FAM20A: variants seen among roughly 807,000 people sequenced by gnomAD.
FAM20A encodes the protein FAM20A golgi associated secretory pathway pseudokinase, also known as pseudokinase FAM20A.
In FAM20A, 42 loss-of-function variants were observed where a neutral mutation model predicts 52.0. The ratio of observed to expected loss-of-function variants is 0.81; its 90% CI spans 0.63 to 1.04. The LOEUF (loss-of-function observed/expected upper bound fraction) is 1.04, where lower values mean the gene tolerates loss of function less well. FAM20A is among the 50% of genes least tolerant of loss of function. The pLI is 0.00. For synonymous variants in FAM20A, 304 were observed against 298.9 expected (o/e 1.02, Z -0.18); for missense variants, 742 against 712.7 (o/e 1.04, Z -0.47).
At chr17:68,584,669 A>G (rs1354741825) in intron 1 of FAM20A, among the ~76,000 whole-genome samples, 1 of 152,226 alleles carries the variant, frequency 6.6e-6, no homozygotes, top group East Asian at 1.9e-4. Flanking sequence ...TGGGCATAGC[A>G]TCTCCTGCCA....
rs772865602 is a variant in FAM20A, at chr17:68,542,013, G to A, written c.1081C>T (p.Arg361Cys). 38 of 1,613,936 alleles carry A rather than the reference G, an allele frequency of 2.4e-5. No homozygotes were observed. Among genetic ancestry groups the A allele is most frequent in the South Asian group, 4.4e-5 (4 of 91,076 alleles). The change falls in exon 7 of 11, where the codon CGC becomes TGC. Residue 361 changes from arginine (R) to cysteine (C), a missense_variant. Coordinates refer to ENST00000592554, the MANE Select transcript of FAM20A (RefSeq NM_017565.4). ...TCTTTTCCTGCCAGTGTGTAGGAGC[G>A]GATCCAGGGGTTGGGCACAGACAGC... ...PRLSVPNPWI[R>C]SYTLAGKEEW...
chr17:68,563,451 T>C (rs926327902), intron 1 of FAM20A, among the ~76,000 whole-genome samples: 1 of 150,696 alleles, frequency 6.6e-6, no homozygotes, highest in Non-Finnish European at 1.5e-5. Context: ...TTGCACTGGC[T>C]CTGGGAGATG....
chr17:68,550,321 A>C (rs2086773665), intron 4 of FAM20A, among the ~76,000 whole-genome samples: 2 of 147,580 alleles, frequency 1.4e-5, no homozygotes, highest in South Asian at 4.4e-4. Context: ...TTTTAAGTTG[A>C]TCTAACAACT....
Position 68,575,506 on chromosome 17 carries a change from TTATATATTTTATATATTATATAA to T in FAM20A, c.405-19786_405-19764del, listed in dbSNP as rs1405188488. On this transcript the variant is annotated intron_variant, in intron 1 of 10. Coordinates refer to ENST00000592554, the MANE Select transcript of FAM20A (RefSeq NM_017565.4). ...TATTATATATTATAGATATTAGATA[TTATATATTTTATATATTATATAA>T]TATATATTTTATATATTATATAATA... is the stretch of plus-strand genomic sequence containing the variant. 4.2e-4 allele frequency among the ~76,000 whole-genome samples: 46 copies of T among 109,508 alleles called. 1 individual carries two copies. Among genetic ancestry groups the T allele is most frequent in the Admixed American group, 7.4e-4 (6 of 8,160 alleles). 71.8% of individuals were successfully genotyped at this position (109,508 alleles called of 152,430 possible).
intron 4 of FAM20A, among the ~76,000 whole-genome samples, chr17:68,549,669 A>T (rs546404153): frequency 6.6e-6 from 1 of 152,166 alleles, no homozygotes; most frequent in Non-Finnish European, 1.5e-5. Flanking sequence ...CCTCTCTCTA[A>T]CTGGGGCTGT....
chr17:68,581,205 A>G (rs1366049421), intron 1 of FAM20A, among the ~76,000 whole-genome samples: 1 of 152,170 alleles, frequency 6.6e-6, no homozygotes, highest in Non-Finnish European at 1.5e-5. Context: ...AAAGGGGTGT[A>G]CTGTGACAGC....
chr17:68,540,165 C>G (rs1228685370), intron 8 of FAM20A, among the ~76,000 whole-genome samples, 199 bp from the exon 9 acceptor site: 2 of 152,202 alleles, frequency 1.3e-5, no homozygotes, highest in Non-Finnish European at 2.9e-5. Flanking sequence ...AACAAGCAAA[C>G]CCTAAATGGA....
intron 1 of FAM20A, among the ~76,000 whole-genome samples, chr17:68,583,400 T>G (rs1350382872): frequency 2.0e-5 from 3 of 152,148 alleles, no homozygotes; most frequent in African/African-American, 7.2e-5. Flanking sequence ...GTTTCTGTCT[T>G]CTGGTGGCTA....
chr17:68,569,737 T>C (rs1299646293), intron 1 of FAM20A, among the ~76,000 whole-genome samples: 1 of 152,194 alleles, frequency 6.6e-6, no homozygotes. Flanking sequence ...TGTTCTTCTA[T>C]CCCAGCTACA....
At chr17:68,556,377 A>G (rs1568745171) in intron 1 of FAM20A, among the ~76,000 whole-genome samples, 1 of 152,250 alleles carries the variant, frequency 6.6e-6, no homozygotes, top group Non-Finnish European at 1.5e-5. Flanking sequence ...GTAGACTGTA[A>G]TTTAGGAGAC....
Position 68,600,341 on chromosome 17 carries a change from A to G in FAM20A, c.326T>C (p.Leu109Pro). 6.3e-7 allele frequency: 1 copy of G among 1,598,652 alleles called. No individual in the cohort carries two copies. The highest frequency in any genetic ancestry group is 8.5e-7 in the Non-Finnish European group (1 of 1,173,420). ...PLYNVPEEPP[L>P]LGAEDSLLAS... ...CAGGAGCGAGTCCTCGGCTCCCAGGAGAGGCGGCTCCTCCGGGACGTTGTA... is the reference window on the plus strand; with the variant it reads ...CAGGAGCGAGTCCTCGGCTCCCAGGGGAGGCGGCTCCTCCGGGACGTTGTA... The change falls in exon 1 of 11, where the codon CTC becomes CCC. Residue 109 changes from leucine to proline, a missense_variant. Transcript: ENST00000592554. This position sits in a 1 kb window ranked among gnomAD's most constrained non-coding sequence, Gnocchi z 6.2.
At chr17:68,564,506 G>A (rs1239415865) in intron 1 of FAM20A, among the ~76,000 whole-genome samples, 1 of 152,234 alleles carries the variant, frequency 6.6e-6, no homozygotes, top group East Asian at 1.9e-4. Context: ...GGAATGGCAT[G>A]TATGTCATAC....
chr17:68,570,035 C>A (rs2087495940), intron 1 of FAM20A, among the ~76,000 whole-genome samples: 1 of 152,190 alleles, frequency 6.6e-6, no homozygotes, highest in Non-Finnish European at 1.5e-5. Context: ...CTGCTTAACC[C>A]TTGAATCCTT....
chr17:68,561,722 A>G (rs1201042785), intron 1 of FAM20A, among the ~76,000 whole-genome samples: 2 of 152,154 alleles, frequency 1.3e-5, no homozygotes, highest in Non-Finnish European at 2.9e-5. Context: ...CTTATCAAGT[A>G]ACCTTATTAT....
At chr17:68,557,646 G>A (rs1359622469) in intron 1 of FAM20A, 1 of 152,052 alleles carries the variant, frequency 6.6e-6, no homozygotes, top group African/African-American at 2.4e-5. Flanking sequence ...TATCGGTTAC[G>A]GCACCCCAAA....
At chr17:68,563,289 G>A (rs1386210305) in intron 1 of FAM20A, among the ~76,000 whole-genome samples, 1 of 151,602 alleles carries the variant, frequency 6.6e-6, no homozygotes, top group Non-Finnish European at 1.5e-5. Context: ...GGGAGGCTGA[G>A]GCAGGAGAAT....
chr17:68,545,783 A>T (rs1381955945), intron 4 of FAM20A, among the ~76,000 whole-genome samples: 1 of 152,194 alleles, frequency 6.6e-6, no homozygotes, highest in African/African-American at 2.4e-5. Context: ...AATATTCTAA[A>T]TCCTCTGTGG....
chr17:68,594,270 G>T (rs1429107543), intron 1 of FAM20A, among the ~76,000 whole-genome samples: 1 of 151,758 alleles, frequency 6.6e-6, no homozygotes, highest in Admixed American at 6.6e-5. Context: ...GTAGTGGCGG[G>T]CGCCTGTAGT....
intron 2 of FAM20A, 29 bp downstream of exon 2, chr17:68,555,530 C>T (rs1345335605): frequency 6.2e-7 from 1 of 1,611,148 alleles, no homozygotes; most frequent in East Asian, 2.2e-5. Context: ...GAAAGTCAGT[C>T]CCCCCTTGCT....
Sources: allele counts gnomAD v4.1 joint callset (sites outside exome capture counted in the v4.1 genomes callset), GRCh38; gene constraint gnomAD v4.1.1; non-coding constraint Gnocchi (gnomAD v3.1); transcripts MANE v1.5; gene names NCBI Gene and HGNC (gene_info 2026-07-23, HGNC 2026-07-21).